The following SLC24A3 variants were observed in gnomAD, a reference collection of about 807,000 sequenced individuals.
The protein encoded by SLC24A3 is solute carrier family 24 member 3.
In SLC24A3, 28 loss-of-function variants were observed where a neutral mutation model predicts 75.8. The ratio of observed to expected loss-of-function variants is 0.37; its 90% CI spans 0.27 to 0.51. SLC24A3 has a LOEUF of 0.51. SLC24A3 is among the 20% of genes least tolerant of loss of function. The pLI is 0.94. For missense variants in SLC24A3, 663 were observed against 847.8 expected, an observed-to-expected ratio of 0.78 and a Z score of 2.71; for synonymous variants, 372 against 334.1, an observed-to-expected ratio of 1.11 and a Z score of -1.24.
At chr20:19,335,225 G>A (rs1389698647) in intron 2 of SLC24A3, among the ~76,000 whole-genome samples, 2 of 152,178 alleles carry the variant, frequency 1.3e-5, no homozygotes, top group Non-Finnish European at 1.5e-5. Context: ...TAGTCTCAAA[G>A]TTAGGAATTA....
chr20:19,369,948 G>A (rs911965533), intron 2 of SLC24A3, among the ~76,000 whole-genome samples: 5 of 152,108 alleles, frequency 3.3e-5, no homozygotes, highest in Admixed American at 6.5e-5. Flanking sequence ...GGTTACAAGC[G>A]TGAGCCACTG....
At chr20:19,234,646 G>A (rs998521769) in intron 1 of SLC24A3, among the ~76,000 whole-genome samples, 1 of 152,194 alleles carries the variant, frequency 6.6e-6, no homozygotes, top group Admixed American at 6.5e-5. Context: ...TGGTGGCTTT[G>A]CTGACTTCAG....
intron 16 of SLC24A3, among the ~76,000 whole-genome samples, chr20:19,717,871 G>A (rs1458051271): frequency 1.3e-5 from 2 of 152,178 alleles, no homozygotes; most frequent in African/African-American, 2.4e-5. Context: ...CACTTTGTCT[G>A]CAATATGAGT....
At chr20:19,637,921 G>T (rs1280959225) in intron 6 of SLC24A3, among the ~76,000 whole-genome samples, 2 of 152,142 alleles carry the variant, frequency 1.3e-5, no homozygotes, top group Non-Finnish European at 2.9e-5. Flanking sequence ...ATAAGAGAAT[G>T]CAGGACATAA....
chr20:19,457,589 T>C (rs973431225), intron 2 of SLC24A3, among the ~76,000 whole-genome samples: 1 of 152,244 alleles, frequency 6.6e-6, no homozygotes, highest in Non-Finnish European at 1.5e-5. Context: ...TGAGAAGTGG[T>C]ACAGTAGTGG....
rs1328186898 is a variant in SLC24A3, at chr20:19,585,133, C to A, written c.508+78C>A. On this transcript the variant is annotated intron_variant, in intron 5 of 16. Transcript: ENST00000328041. ...GCTCTGGGAATGGATGGCCCCCAGA[C>A]CGAGATTGTCTGCCACTCATAGAAA... 7 of 1,283,764 alleles carry A rather than the reference C, an allele frequency of 5.5e-6. No homozygotes were observed. The Admixed American group carries it at 1.2e-4, about 22-fold the overall frequency. 79.5% of individuals were successfully genotyped at this position (1,283,764 alleles called of 1,614,324 possible). A position where few individuals can be genotyped will look rare whatever the true frequency, so the allele number is the denominator to read the frequency against.
intron 1 of SLC24A3, among the ~76,000 whole-genome samples, chr20:19,215,197 G>A (rs1279869829): frequency 2.0e-5 from 3 of 152,292 alleles, no homozygotes; most frequent in South Asian, 2.1e-4. Flanking sequence ...GCATTTGAAT[G>A]GTGACTTTTA....
At chr20:19,249,777 A>C (rs1015691477) in intron 1 of SLC24A3, among the ~76,000 whole-genome samples, 6 of 152,216 alleles carry the variant, frequency 3.9e-5, no homozygotes, top group African/African-American at 1.4e-4. Flanking sequence ...GCACATGTTA[A>C]TTGCATGATG....
At chr20:19,424,795 A>G (rs886974096) in intron 2 of SLC24A3, among the ~76,000 whole-genome samples, 6 of 151,576 alleles carry the variant, frequency 4.0e-5, no homozygotes, top group African/African-American at 1.5e-4. Context: ...CTCTAGGAGA[A>G]AAAGACATTA....
At chr20:19,388,473 A>G (rs1986309245) in intron 2 of SLC24A3, among the ~76,000 whole-genome samples, 1 of 152,188 alleles carries the variant, frequency 6.6e-6, no homozygotes, top group African/African-American at 2.4e-5. Flanking sequence ...GCACTTTGGG[A>G]GGCCAAGGCA....
intron 2 of SLC24A3, among the ~76,000 whole-genome samples, chr20:19,419,406 A>G (rs1212156957): frequency 6.6e-6 from 1 of 152,030 alleles, no homozygotes; most frequent in African/African-American, 2.4e-5. Context: ...CCAGAAGAGA[A>G]TATGTTTTGC....
chr20:19,705,081 G>A lies in SLC24A3; in HGVS notation c.1719+6401G>A, dbSNP rs148258083. ...AATTTCAGACCAGATCCATCCCTGA[G>A]TTTGAATCTTTGCTAAAAGACAGGG... On this transcript the variant is annotated intron_variant, in intron 15 of 16. Coordinates refer to ENST00000328041, the MANE Select transcript of SLC24A3 (RefSeq NM_020689.4). 1.3e-3 allele frequency among the ~76,000 whole-genome samples: 196 copies of A among 152,318 alleles called. 1 individual carries two copies. The highest frequency in any genetic ancestry group is 4.4e-3 in the African/African-American group (182 of 41,576).
intron 1 of SLC24A3, among the ~76,000 whole-genome samples, chr20:19,236,705 A>G (rs963325274): frequency 2.6e-5 from 4 of 152,154 alleles, no homozygotes; most frequent in Admixed American, 2.0e-4. Flanking sequence ...GCAGTAAACT[A>G]TGATTGCGCC....
At chr20:19,375,276 C>T (rs777016044) in intron 2 of SLC24A3, among the ~76,000 whole-genome samples, 3 of 152,282 alleles carry the variant, frequency 2.0e-5, no homozygotes, top group East Asian at 1.9e-4. Flanking sequence ...GGCTATGTCC[C>T]GATGCTCAGA....
chr20:19,322,195 T>C (rs1984723560), intron 2 of SLC24A3, among the ~76,000 whole-genome samples: 1 of 152,194 alleles, frequency 6.6e-6, no homozygotes, highest in Non-Finnish European at 1.5e-5. Context: ...GTGGCTTTAG[T>C]ATCCTTGGAT....
chr20:19,244,443 A>T (rs1277247260), intron 1 of SLC24A3, among the ~76,000 whole-genome samples: 1 of 152,152 alleles, frequency 6.6e-6, no homozygotes, highest in Non-Finnish European at 1.5e-5. Context: ...GAATGAAGAG[A>T]CATGACATAC....
chr20:19,464,379 G>A (rs1037214740), intron 2 of SLC24A3, among the ~76,000 whole-genome samples: 7 of 140,780 alleles, frequency 5.0e-5, no homozygotes, highest in South Asian at 2.4e-4. Context: ...ACATACGTGC[G>A]CACACGTGTG....
chr20:19,385,155 A>G (rs529696852), intron 2 of SLC24A3, among the ~76,000 whole-genome samples: 1 of 152,152 alleles, frequency 6.6e-6, no homozygotes, highest in Non-Finnish European at 1.5e-5. Flanking sequence ...ATGCAATCCC[A>G]TTTGTCTGTA....
intron 3 of SLC24A3, among the ~76,000 whole-genome samples, chr20:19,543,223 G>A (rs2030531809): frequency 6.6e-6 from 1 of 152,208 alleles, no homozygotes; most frequent in Non-Finnish European, 1.5e-5. Context: ...CATTCAGTGA[G>A]TGACAGTACC....
Sources: allele counts gnomAD v4.1 joint callset (sites outside exome capture counted in the v4.1 genomes callset), GRCh38; gene constraint gnomAD v4.1.1; transcripts MANE v1.5; gene names NCBI Gene and HGNC (gene_info 2026-07-23, HGNC 2026-07-21).